Variants in PBX4 observed in about 807,000 individuals in gnomAD.
The protein encoded by PBX4 is pre-B-cell leukemia transcription factor 4.
A neutral mutation model predicts 35.1 loss-of-function variants in PBX4; 26 were observed. The observed-to-expected ratio is 0.74, with a 90% CI of 0.54 to 1.03. The LOEUF (loss-of-function observed/expected upper bound fraction) is 1.03, where lower values mean the gene tolerates loss of function less well. Among genes scored for constraint, PBX4 ranks in the 50% least tolerant of loss-of-function variants. PBX4 has a pLI of 0.00. For synonymous variants in PBX4, 199 were observed against 204.2 expected (o/e 0.97, Z 0.22); for missense variants, 448 against 504.3 (o/e 0.89, Z 1.07).
chr19:19,576,468 C>T (rs765915872), intron 2 of PBX4, among the ~76,000 whole-genome samples: 17 of 152,190 alleles, frequency 1.1e-4, no homozygotes, highest in South Asian at 2.1e-4. Flanking sequence ...TCGTGATCCA[C>T]GCACCTTGAC....
At chr19:19,565,903 A>G (rs1194303957) in intron 5 of PBX4, among the ~76,000 whole-genome samples, 1 of 151,992 alleles carries the variant, frequency 6.6e-6, no homozygotes, top group Non-Finnish European at 1.5e-5. Flanking sequence ...CAACAGAGTG[A>G]GACCCTGTCT....
intron 6 of PBX4, 121 bp downstream of exon 6, chr19:19,564,812 G>A (rs2061330704): frequency 1.6e-6 from 2 of 1,223,810 alleles, no homozygotes; most frequent in Non-Finnish European, 2.3e-6. Context: ...ACAGAAGAAA[G>A]AGTTACACAG....
At chr19:19,567,228 T>G (rs984519590) in intron 5 of PBX4, among the ~76,000 whole-genome samples, 1 of 152,156 alleles carries the variant, frequency 6.6e-6, no homozygotes, top group Non-Finnish European at 1.5e-5. Flanking sequence ...CTCACGCTTC[T>G]CCAGGGGCCT....
intron 2 of PBX4, among the ~76,000 whole-genome samples, chr19:19,582,958 C>T (rs755740518): frequency 5.1e-4 from 77 of 152,390 alleles, no homozygotes; most frequent in Non-Finnish European, 1.0e-3. Context: ...AAAGGGAACA[C>T]TCCTGTTTCA....
chr19:19,585,047 C>G (rs187954730), intron 2 of PBX4, among the ~76,000 whole-genome samples: 4 of 151,996 alleles, frequency 2.6e-5, no homozygotes, highest in Non-Finnish European at 5.9e-5. Flanking sequence ...ACCTTTTAGG[C>G]CACATCCCAC....
intron 2 of PBX4, among the ~76,000 whole-genome samples, chr19:19,574,511 C>T (rs763116372): frequency 4.6e-5 from 7 of 152,212 alleles, no homozygotes; most frequent in Non-Finnish European, 7.3e-5. Context: ...AAGGACCCTC[C>T]TCACCGGCTC....
At position 19,565,046 on chromosome 19, in the gene PBX4, T is replaced by G; in HGVS notation, c.812A>C (p.Asn271Thr). Residue 271 changes from asparagine to threonine, a missense_variant, in exon 6 of 8, where the codon AAC becomes ACC. Transcript: ENST00000251203. ...AGCCTCTTCTTGAAACTTCCCCATG[T>G]TCTTTTTATACCGGATTCTTTTGTT... ...FGNKRIRYKKNMGKFQEEATI... is the reference protein window; with the variant it reads ...FGNKRIRYKKTMGKFQEEATI... 1 of 1,614,238 alleles carries G rather than the reference T, an allele frequency of 6.2e-7. No homozygotes were observed. The highest frequency in any genetic ancestry group is 8.5e-7 in the Non-Finnish European group (1 of 1,180,038).
At chr19:19,578,667 G>A (rs1281678093) in intron 2 of PBX4, among the ~76,000 whole-genome samples, 1 of 152,196 alleles carries the variant, frequency 6.6e-6, no homozygotes, top group Non-Finnish European at 1.5e-5. Context: ...AGAAACTCCA[G>A]TAAATCAAAC....
intron 1 of PBX4, among the ~76,000 whole-genome samples, chr19:19,614,600 C>T (rs534475543): frequency 9.4e-4 from 142 of 151,372 alleles, no homozygotes; most frequent in African/African-American, 3.3e-3. Context: ...CGCGCCACTG[C>T]ACTCCAGCCT....
At chr19:19,584,281 C>A (rs925630204) in intron 2 of PBX4, among the ~76,000 whole-genome samples, 4 of 152,140 alleles carry the variant, frequency 2.6e-5, no homozygotes, top group Non-Finnish European at 5.9e-5. Flanking sequence ...ATAGAAAGAA[C>A]CTTCCTTAAC....
Position 19,604,275 on chromosome 19 carries a change from A to AC in PBX4, c.120-4911_120-4910insG, listed in dbSNP as rs147077412. ...CACTTGAGGTCAGGAGTTTGAGACC[A>AC]GCCTGGCCAACATGGCAAAATCCTG... On this transcript the variant is annotated intron_variant, in intron 1 of 7. Transcript: ENST00000251203. Among the ~76,000 whole-genome samples the AC allele has an allele frequency of 1.9e-3, 285 of 152,116 alleles. 1 individual carries two copies. Among genetic ancestry groups the AC allele is most frequent in the African/African-American group, 6.4e-3 (265 of 41,522 alleles).
intron 2 of PBX4, among the ~76,000 whole-genome samples, chr19:19,576,523 C>CA (rs908015744): frequency 1.1e-4 from 16 of 144,788 alleles, no homozygotes; most frequent in South Asian, 8.8e-4. Flanking sequence ...TGTGCCTGGC[C>CA]AAAAAAAAAA....
In PBX4 at chr19:19,562,111, C is replaced by G; in HGVS notation, c.1039G>C (p.Gly347Arg). Residue 347 changes from glycine (G) to arginine (R), a missense_variant, in exon 8 of 8, where the codon GGT (glycine) becomes CGT (arginine). By Grantham distance (125) the Gly-to-Arg change is moderately radical. Transcript: ENST00000251203. This position sits in a 1 kb window ranked among gnomAD's most constrained non-coding sequence, Gnocchi z 4.8. ...GGGCLQSQAQGSWQGATPQPA... is the reference protein window; with the variant it reads ...GGGCLQSQAQRSWQGATPQPA... ...TGGGGGGTGGCCCCCTGCCAGCTAC[C>G]CTGGGCCTGAAACGACAGAGACTGA... The G allele has an allele frequency of 6.2e-7, 1 of 1,610,082 alleles. No homozygotes were observed. Among genetic ancestry groups the G allele is most frequent in the Non-Finnish European group, 8.5e-7 (1 of 1,178,330 alleles).
At chr19:19,594,100 T>A (rs8105888) in intron 2 of PBX4, among the ~76,000 whole-genome samples, 122,002 of 144,268 alleles carry the variant, frequency 0.85, 51,790 homozygotes, top group East Asian at 0.99. Context: ...AAAAAAAAAA[T>A]AAAAAATAAA....
chr19:19,581,574 T>C (rs1019748684), intron 2 of PBX4, among the ~76,000 whole-genome samples: 7 of 152,154 alleles, frequency 4.6e-5, no homozygotes, highest in Admixed American at 3.9e-4. Flanking sequence ...AGGGAGGTGA[T>C]GACACAGGGC....
At chr19:19,571,930 G>A (rs1317211904) in intron 2 of PBX4, among the ~76,000 whole-genome samples, 1 of 150,674 alleles carries the variant, frequency 6.6e-6, no homozygotes, top group African/African-American at 2.4e-5. Context: ...CTACTAGGGA[G>A]GCTGAGGCAG....
At chr19:19,579,185 C>T (rs1299985451) in intron 2 of PBX4, among the ~76,000 whole-genome samples, 1 of 151,978 alleles carries the variant, frequency 6.6e-6, no homozygotes, top group Admixed American at 6.6e-5. Context: ...CCCATCTCTA[C>T]TAAAAATACA....
chr19:19,596,362 GAATAAATA>G (rs58051660), intron 2 of PBX4, among the ~76,000 whole-genome samples: 7 of 148,906 alleles, frequency 4.7e-5, no homozygotes, highest in Non-Finnish European at 1.0e-4. Flanking sequence ...AACAGAGTGA[GAATAAATA>G]AATAAATAAA....
At chr19:19,594,357 T>C (rs1006800406) in intron 2 of PBX4, among the ~76,000 whole-genome samples, 4 of 150,420 alleles carry the variant, frequency 2.7e-5, no homozygotes, top group Non-Finnish European at 4.4e-5. Context: ...GATTGCGCCA[T>C]TGCACTCCAG....
Sources: allele counts gnomAD v4.1 joint callset (sites outside exome capture counted in the v4.1 genomes callset), GRCh38; gene constraint gnomAD v4.1.1; non-coding constraint Gnocchi (gnomAD v3.1); transcripts MANE v1.5; gene names NCBI Gene and HGNC (gene_info 2026-07-23, HGNC 2026-07-21).